Variants in ANKRD30BL observed in about 807,000 individuals in gnomAD.
ANKRD30BL encodes putative ankyrin repeat domain-containing protein 30B-like.
A neutral mutation model predicts 18.4 loss-of-function variants in ANKRD30BL; 20 were observed. That is an observed-to-expected ratio of 1.09 (90% CI 0.77 to 1.58). The LOEUF is 1.58. Among genes scored for constraint, ANKRD30BL ranks in the 40% most tolerant of loss-of-function variants. ANKRD30BL has a pLI of 0.00. For missense variants in ANKRD30BL, 224 were observed against 268.6 expected (o/e 0.83, Z 1.16); for synonymous variants, 72 against 100.9 (o/e 0.71, Z 1.72).
chr2:132,184,813 A>G lies in ANKRD30BL; in HGVS notation n.442-27667T>C, dbSNP rs7593855. Among the ~76,000 whole-genome samples the G allele has an allele frequency of 3.3e-3, 507 of 152,110 alleles. 6 individuals are homozygous for G. Among genetic ancestry groups the G allele is most frequent in the African/African-American group, 0.012 (483 of 41,516 alleles). ...AAATAAATGGAATTAAGAAGCTTCAAAATTCTTTTTTTTTTTTTGAGATGG... is the reference window on the plus strand; with the variant it reads ...AAATAAATGGAATTAAGAAGCTTCAGAATTCTTTTTTTTTTTTTGAGATGG... On this transcript the variant is annotated intron_variant and non_coding_transcript_variant, in intron 1 of 4. Coordinates refer to the ANKRD30BL transcript ENST00000470729.
intron 1 of ANKRD30BL, among the ~76,000 whole-genome samples, chr2:132,213,354 T>G (rs1428960975): frequency 2.6e-5 from 4 of 152,130 alleles, no homozygotes; most frequent in African/African-American, 9.6e-5. Flanking sequence ...CTTTGTGATG[T>G]GTGCATTCAA....
intron 1 of ANKRD30BL, among the ~76,000 whole-genome samples, chr2:132,221,513 G>T (rs1679681993): frequency 7.7e-6 from 1 of 130,150 alleles, no homozygotes; most frequent in Non-Finnish European, 1.6e-5. Flanking sequence ...GAGCCCCTCT[G>T]CCTGGCCAGC....
At chr2:132,160,552 A>C (rs557386180) in intron 1 of ANKRD30BL, among the ~76,000 whole-genome samples, 229 of 149,892 alleles carry the variant, frequency 1.5e-3, no homozygotes, top group Non-Finnish European at 2.6e-3. Flanking sequence ...CATTCTCCTG[A>C]CTCAGCCTCC....
intron 1 of ANKRD30BL, among the ~76,000 whole-genome samples, chr2:132,191,070 A>G (rs1206226479): frequency 4.6e-5 from 7 of 152,218 alleles, no homozygotes; most frequent in South Asian, 2.1e-4. Flanking sequence ...GAAGCTGTCT[A>G]TCACCTCAAA....
At chr2:132,234,923 T>G (rs955543759) in intron 1 of ANKRD30BL, among the ~76,000 whole-genome samples, 1 of 152,168 alleles carries the variant, frequency 6.6e-6, no homozygotes, top group Non-Finnish European at 1.5e-5. Context: ...TGAACATTGA[T>G]GCAAAAATCC....
intron 1 of ANKRD30BL, among the ~76,000 whole-genome samples, chr2:132,239,912 ACT>A (rs1314052430): frequency 6.6e-6 from 1 of 151,406 alleles, no homozygotes; most frequent in Non-Finnish European, 1.5e-5. Flanking sequence ...ATTTTGAAAC[ACT>A]CTTTTTGTAG....
chr2:132,187,188 G>GTTTTTTTTTTTTTT (rs1193358076), intron 1 of ANKRD30BL, among the ~76,000 whole-genome samples: 9 of 90,622 alleles, frequency 9.9e-5, no homozygotes, highest in East Asian at 6.8e-4. Context: ...TTTTTTGTTT[G>GTTTTTTTTTTTTTT]TTTTTTTTTT....
intron 1 of ANKRD30BL, among the ~76,000 whole-genome samples, chr2:132,194,209 C>T (rs1678919033): frequency 6.6e-6 from 1 of 152,132 alleles, no homozygotes; most frequent in Non-Finnish European, 1.5e-5. Flanking sequence ...ATTAACCTTC[C>T]TTTTCTAAGG....
intron 1 of ANKRD30BL, among the ~76,000 whole-genome samples, chr2:132,178,905 A>G (rs576030431): frequency 1.3e-5 from 2 of 151,778 alleles, no homozygotes; most frequent in South Asian, 4.2e-4. Context: ...AATTTGATAG[A>G]ATTCTGAGGT....
At chr2:132,216,659 T>G (rs1353441744) in intron 1 of ANKRD30BL, among the ~76,000 whole-genome samples, 1 of 152,122 alleles carries the variant, frequency 6.6e-6, no homozygotes, top group African/African-American at 2.4e-5. Flanking sequence ...TGTGGACCTT[T>G]GGAGCGCCTT....
At chr2:132,160,467 C>T (rs2104930656) in intron 1 of ANKRD30BL, among the ~76,000 whole-genome samples, 2 of 135,254 alleles carry the variant, frequency 1.5e-5, no homozygotes, top group African/African-American at 5.6e-5. Context: ...GAGACGGAGT[C>T]TTGCTCTGTC....
chr2:132,187,297 G>A (rs1038776718), intron 1 of ANKRD30BL, among the ~76,000 whole-genome samples: 10 of 149,298 alleles, frequency 6.7e-5, no homozygotes, highest in Admixed American at 2.0e-4. Flanking sequence ...GGGATGAAGC[G>A]ATTCTCTTGT....
intron 1 of ANKRD30BL, among the ~76,000 whole-genome samples, chr2:132,194,280 T>C (rs1167896474): frequency 2.0e-5 from 3 of 152,190 alleles, no homozygotes; most frequent in East Asian, 3.9e-4. Context: ...AGAACCTGTT[T>C]GGACAAATAT....
At chr2:132,243,224 C>T (rs904279446) in intron 1 of ANKRD30BL, among the ~76,000 whole-genome samples, 2 of 151,478 alleles carry the variant, frequency 1.3e-5, no homozygotes, top group Admixed American at 1.3e-4. Flanking sequence ...GAATTATCCT[C>T]ACATAACAAA....
At chr2:132,149,709 C>A (rs191628220) in intron 5 of ANKRD30BL, among the ~76,000 whole-genome samples, 1 of 152,240 alleles carries the variant, frequency 6.6e-6, no homozygotes, top group East Asian at 1.9e-4. Flanking sequence ...TCTAGGAGCC[C>A]ACTAATAGAC....
rs1278506878 is a variant in ANKRD30BL at position 132,160,979 on chromosome 2, G to T, written c.218+509C>A. Among the ~76,000 whole-genome samples the T allele has an allele frequency of 4.7e-5, 7 of 147,446 alleles. No homozygotes were observed. In the East Asian group the frequency reaches 1.4e-3, roughly 29 times the overall value. ...TCCCACCTCAAAGTTACCTTCTAAG[G>T]TCCCTCAGCAAAGAATATATTTACA... On this transcript the variant is annotated intron_variant, in intron 1 of 5. Coordinates refer to ENST00000409867, the MANE Select transcript of ANKRD30BL (RefSeq NM_001358416.1).
intron 4 of ANKRD30BL, among the ~76,000 whole-genome samples, chr2:132,153,355 A>G (rs1407315351): frequency 6.6e-6 from 1 of 152,200 alleles, no homozygotes; most frequent in African/African-American, 2.4e-5. Context: ...TATCCCATGC[A>G]TAGGGGTTAT....
At chr2:132,199,283 T>C (rs1416879198) in intron 1 of ANKRD30BL, among the ~76,000 whole-genome samples, 1 of 151,912 alleles carries the variant, frequency 6.6e-6, no homozygotes, top group Non-Finnish European at 1.5e-5. Context: ...TCGCTTGAAC[T>C]TGGGAGGCAT....
At chr2:132,169,010 A>T (rs1292038496) in intron 1 of ANKRD30BL, among the ~76,000 whole-genome samples, 1 of 152,108 alleles carries the variant, frequency 6.6e-6, no homozygotes, top group Non-Finnish European at 1.5e-5. Flanking sequence ...CATTGGGATT[A>T]TTGCCACCAT....
Sources: allele counts gnomAD v4.1 joint callset (sites outside exome capture counted in the v4.1 genomes callset), GRCh38; gene constraint gnomAD v4.1.1; transcripts MANE v1.5; gene names NCBI Gene and HGNC (gene_info 2026-07-23, HGNC 2026-07-21).